Variants in AGBL4 observed in about 807,000 individuals in gnomAD.
AGBL4 encodes cytosolic carboxypeptidase 6.
AGBL4 carries 58 observed loss-of-function variants against 66.4 expected under a neutral mutation model. That is an observed-to-expected ratio of 0.87 (90% CI 0.71 to 1.09). AGBL4 has a LOEUF of 1.09. Among genes scored for constraint, AGBL4 ranks in the 50% least tolerant of loss-of-function variants. The probability of loss-of-function intolerance (pLI) is 0.00; values close to 1 mark genes in which losing one functional copy is unlikely to be tolerated. For synonymous variants in AGBL4, 234 were observed against 222.9 expected (o/e 1.05, Z -0.44); for missense variants, 579 against 631.0 (o/e 0.92, Z 0.88).
chr1:48,898,901 C>T lies in AGBL4; in HGVS notation c.595-31671G>A, dbSNP rs372276094. Reference sequence around the variant, plus strand: ...TCAAGAGCGTCGCTCTCCAGGTACACGCCCCCCGTCAAAGGCGGCTCTAAG... The same window carrying T: ...TCAAGAGCGTCGCTCTCCAGGTACATGCCCCCCGTCAAAGGCGGCTCTAAG... On this transcript the variant is annotated intron_variant, in intron 5 of 13. Coordinates refer to ENST00000371839, the MANE Select transcript of AGBL4 (RefSeq NM_032785.4). 4.4e-4 allele frequency among the ~76,000 whole-genome samples: 67 copies of T among 152,276 alleles called. 1 individual carries two copies. The South Asian group carries it at 9.5e-3, about 22-fold the overall frequency.
chr1:49,048,413 G>C (rs1644132449), intron 4 of AGBL4: 1 of 152,066 alleles, frequency 6.6e-6, no homozygotes, highest in African/African-American at 2.4e-5. Flanking sequence ...TCCTCTCCTG[G>C]GTGAGCCGGG....
chr1:49,940,682 C>T (rs1210899537), intron 1 of AGBL4, among the ~76,000 whole-genome samples: 1 of 151,666 alleles, frequency 6.6e-6, no homozygotes, highest in Admixed American at 6.6e-5. Flanking sequence ...AGGGGAACAT[C>T]ACACTCTGGG....
intron 11 of AGBL4, among the ~76,000 whole-genome samples, chr1:48,562,386 T>G (rs1169670371): frequency 1.3e-5 from 2 of 152,160 alleles, no homozygotes; most frequent in African/African-American, 4.8e-5. Context: ...TGGAATGCCT[T>G]CCTGTTCCTC....
At chr1:49,110,511 C>A (rs750837214) in intron 4 of AGBL4, among the ~76,000 whole-genome samples, 3 of 152,176 alleles carry the variant, frequency 2.0e-5, no homozygotes, top group Non-Finnish European at 4.4e-5. Flanking sequence ...CTTATTCCCT[C>A]AGCCAAAGTT....
At chr1:49,901,248 A>G (rs905828705) in intron 1 of AGBL4, among the ~76,000 whole-genome samples, 1 of 152,220 alleles carries the variant, frequency 6.6e-6, no homozygotes, top group African/African-American at 2.4e-5. Context: ...GAGGAAGTCA[A>G]ACTATCCCTG....
chr1:49,828,331 T>C (rs1167155867), intron 2 of AGBL4, among the ~76,000 whole-genome samples: 1 of 152,112 alleles, frequency 6.6e-6, no homozygotes, highest in East Asian at 1.9e-4. Context: ...AACAAAATGC[T>C]ATAAAAGAGA....
intron 6 of AGBL4, among the ~76,000 whole-genome samples, chr1:48,724,378 G>C (rs1403822966): frequency 6.6e-6 from 1 of 152,196 alleles, no homozygotes; most frequent in African/African-American, 2.4e-5. Flanking sequence ...CTTTACCCCT[G>C]TGTGTGATGA....
chr1:48,614,544 C>A (rs1002064856), intron 9 of AGBL4, among the ~76,000 whole-genome samples: 34 of 152,304 alleles, frequency 2.2e-4, no homozygotes, highest in African/African-American at 7.2e-4. Flanking sequence ...AGAGAAGGTG[C>A]CTGCACACTG....
chr1:48,947,452 C>T (rs1015760650), intron 5 of AGBL4, among the ~76,000 whole-genome samples: 2 of 152,168 alleles, frequency 1.3e-5, no homozygotes, highest in Non-Finnish European at 2.9e-5. Flanking sequence ...ATTCACCTTT[C>T]TCTTTGGTTA....
chr1:49,960,823 G>A (rs1436446262), intron 1 of AGBL4, among the ~76,000 whole-genome samples: 2 of 152,102 alleles, frequency 1.3e-5, no homozygotes, highest in African/African-American at 2.4e-5. Flanking sequence ...AGGTTTGTGA[G>A]TAAGTATGTT....
intron 4 of AGBL4, among the ~76,000 whole-genome samples, chr1:49,203,297 G>T (rs1202997862): frequency 1.3e-5 from 2 of 151,892 alleles, no homozygotes; most frequent in Non-Finnish European, 2.9e-5. Flanking sequence ...TTGAGAATAG[G>T]ATCTCAAAGA....
At chr1:49,709,989 G>T (rs1014117189) in intron 2 of AGBL4, among the ~76,000 whole-genome samples, 8 of 152,184 alleles carry the variant, frequency 5.3e-5, no homozygotes, top group African/African-American at 1.9e-4. Flanking sequence ...TACACTGTTG[G>T]TGGGAGTGTA....
In AGBL4 at chr1:48,542,455, C is replaced by T. The variant is rs1644089750; in HGVS notation, c.1268-2717G>A. Among the ~76,000 whole-genome samples, 4 of 152,190 alleles carry T rather than the reference C, an allele frequency of 2.6e-5. No homozygotes were observed. The South Asian group carries it at 6.2e-4, about 24-fold the overall frequency. ...ATGGTTGAAATAATTTACACTCCCACCAACAGTATAAAAGCGTTCCTATTT... is the reference window on the plus strand; with the variant it reads ...ATGGTTGAAATAATTTACACTCCCATCAACAGTATAAAAGCGTTCCTATTT... On this transcript the variant is annotated intron_variant, in intron 11 of 13. Transcript: ENST00000371839.
chr1:49,674,752 A>AC (rs1253784607), intron 3 of AGBL4, among the ~76,000 whole-genome samples: 1 of 152,038 alleles, frequency 6.6e-6, no homozygotes, highest in African/African-American at 2.4e-5. Context: ...TGGTAGAATT[A>AC]CAGTCTTTGA....
chr1:49,202,346 T>C (rs1647775321), intron 4 of AGBL4, among the ~76,000 whole-genome samples: 1 of 152,140 alleles, frequency 6.6e-6, no homozygotes, highest in African/African-American at 2.4e-5. Flanking sequence ...GGAGCAAAGC[T>C]GGAGACCTCA....
At chr1:48,673,284 A>G (rs6678327) in intron 6 of AGBL4, among the ~76,000 whole-genome samples, 1,926 of 152,162 alleles carry the variant, frequency 0.013, 18 homozygotes, top group African/African-American at 0.021. Context: ...TATTAATACA[A>G]TTTCCCCAAG....
rs112751020 is a variant in AGBL4, at chr1:48,770,740, C to T, written c.634+96451G>A. 2.2e-3 allele frequency among the ~76,000 whole-genome samples: 336 copies of T among 152,284 alleles called. 5 individuals are homozygous for T. Among genetic ancestry groups the T allele is most frequent in the African/African-American group, 7.0e-3 (292 of 41,548 alleles). ...CCAGCTACACTTCCAGGGTTCTCCT[C>T]GAGACAGGGAGGCCCAGATCACCAC... On this transcript the variant is annotated intron_variant, in intron 6 of 13. Transcript: ENST00000371839.
At chr1:49,253,226 C>CA (rs1243549978) in intron 3 of AGBL4, among the ~76,000 whole-genome samples, 4 of 151,806 alleles carry the variant, frequency 2.6e-5, no homozygotes, top group Admixed American at 6.6e-5. Context: ...ACCAAGCAAA[C>CA]AAAAAACAGA....
intron 4 of AGBL4, chr1:49,187,447 AC>A (rs1451155514): frequency 6.6e-6 from 1 of 152,202 alleles, no homozygotes; most frequent in African/African-American, 2.4e-5. Context: ...TTATGAATAT[AC>A]ATATGCGGAG....
Sources: allele counts gnomAD v4.1 joint callset (sites outside exome capture counted in the v4.1 genomes callset), GRCh38; gene constraint gnomAD v4.1.1; transcripts MANE v1.5; gene names NCBI Gene and HGNC (gene_info 2026-07-23, HGNC 2026-07-21).